The following EPG5 variants were observed in gnomAD, a reference collection of about 807,000 sequenced individuals.
The protein encoded by EPG5 is ectopic P granules protein 5 homolog.
A neutral mutation model predicts 302.7 loss-of-function variants in EPG5; 159 were observed. The observed-to-expected ratio is 0.53, with a 90% confidence interval of 0.46 to 0.60. The LOEUF (loss-of-function observed/expected upper bound fraction) is 0.60, where lower values mean the gene tolerates loss of function less well. Among genes scored for constraint, EPG5 ranks in the 20% least tolerant of loss-of-function variants. The pLI, the probability that EPG5 is intolerant of heterozygous loss-of-function variation, is 0.00. For synonymous variants in EPG5, 1,158 were observed against 1,136.8 expected (o/e 1.02, Z -0.37); for missense variants, 2,896 against 3,092.4 (o/e 0.94, Z 1.51).
chr18:45,907,453 G>T (rs112108539), intron 24 of EPG5, among the ~76,000 whole-genome samples: 1 of 152,076 alleles, frequency 6.6e-6, no homozygotes. Context: ...TAGGACATAC[G>T]AAGACTGAAA....
the EPG5 span, among the ~76,000 whole-genome samples, chr18:45,840,550 T>G: frequency 6.6e-6 from 1 of 152,292 alleles, no homozygotes; most frequent in South Asian, 2.1e-4. Context: ...GGGACACTCA[T>G]CCCCGTTCCC....
chr18:45,818,880 C>A, the EPG5 span, among the ~76,000 whole-genome samples: 7 of 151,910 alleles, frequency 4.6e-5, no homozygotes, highest in African/African-American at 1.7e-4. Context: ...GTTACAGGCA[C>A]CCTGCACCAC....
intron 1 of EPG5, among the ~76,000 whole-genome samples, chr18:45,959,619 C>A (rs1422350063): frequency 7.0e-6 from 1 of 142,712 alleles, no homozygotes; most frequent in Non-Finnish European, 1.5e-5. Context: ...GCACTCCAGT[C>A]TGGGGTGGGG....
chr18:45,901,022 G>T lies in EPG5; in HGVS notation c.4620C>A (p.Asp1540Glu). Residue 1540 changes from aspartate to glutamate, a missense_variant, in exon 26 of 44, where the codon GAC (aspartate) becomes GAA (glutamate). Physicochemically the swap from Asp to Glu is conservative, Grantham distance 45. Around this residue, in one of 5 missense-constraint regions of EPG5, gnomAD observed 790 missense variants for 798.0 expected, o/e 0.99. Transcript: ENST00000282041. ...QKDATQLVCT[D>E]LNLLQQQART... ...TGGCCTGCTGTTGCAACAGATTCAGGTCTGTGCACACCAGCTGGGTGGCGT... is the reference window on the plus strand; with the variant it reads ...TGGCCTGCTGTTGCAACAGATTCAGTTCTGTGCACACCAGCTGGGTGGCGT... The T allele has an allele frequency of 2.5e-6, 4 of 1,613,996 alleles. No individual in the cohort carries two copies. The highest frequency in any genetic ancestry group is 2.5e-6 in the Non-Finnish European group (3 of 1,179,914).
intron 4 of EPG5, among the ~76,000 whole-genome samples, chr18:45,949,857 A>G (rs976260945): frequency 2.0e-5 from 3 of 152,250 alleles, no homozygotes; most frequent in Non-Finnish European, 4.4e-5. Context: ...CCACAAGTGA[A>G]TAGATATAAG....
chr18:45,903,078 G>A (rs73953910), intron 25 of EPG5, among the ~76,000 whole-genome samples: 2,069 of 152,130 alleles, frequency 0.014, 56 homozygotes, highest in African/African-American at 0.047. Context: ...GGGCATGAAC[G>A]GAAATCATTT....
intron 23 of EPG5, among the ~76,000 whole-genome samples, chr18:45,908,884 G>A (rs577866331): frequency 3.3e-5 from 5 of 151,958 alleles, no homozygotes; most frequent in Non-Finnish European, 7.4e-5. Flanking sequence ...GGAAGGCAGA[G>A]GTTGCAGTGA....
the EPG5 span, chr18:45,838,743 G>C: frequency 8.2e-6 from 13 of 1,580,348 alleles, no homozygotes; most frequent in Non-Finnish European, 1.1e-5. Context: ...TCAACATCTC[G>C]GTGCTGCCCA....
chr18:45,815,569 G>A, the EPG5 span, among the ~76,000 whole-genome samples: 2 of 151,964 alleles, frequency 1.3e-5, no homozygotes, highest in African/African-American at 4.8e-5. Context: ...AAATACTTAC[G>A]AATCTACCTA....
At chr18:45,919,357 G>A (rs1054257991) in intron 16 of EPG5, among the ~76,000 whole-genome samples, 5 of 152,122 alleles carry the variant, frequency 3.3e-5, no homozygotes, top group African/African-American at 1.2e-4. Context: ...CAAATCAAAA[G>A]TTATCTCTAG....
rs1017401306 is a variant in EPG5, at chr18:45,915,499, T to G, written c.3693+12A>C. The G allele has an allele frequency of 6.4e-7, 1 of 1,561,812 alleles. No individual in the cohort carries two copies. Among genetic ancestry groups the G allele is most frequent in the Admixed American group, 1.7e-5 (1 of 59,438 alleles). ...CAAAGATAACAAATGATCCTCTCAG[T>G]GAGTTTCCTACCTGAGTGGGCGTGG... On this transcript the variant is annotated intron_variant, in intron 20 of 43. Coordinates refer to ENST00000282041, the MANE Select transcript of EPG5 (RefSeq NM_020964.3).
At position 45,922,500 on chromosome 18, in the gene EPG5, T is replaced by C; in HGVS notation, c.2939A>G (p.Asn980Ser). Reference protein sequence around the residue: ...NLILRLKLHKNDYGIQPNCPA... With the variant: ...NLILRLKLHKSDYGIQPNCPA... ...ACAATTCGGCTGTATTCCATAATCG[T>C]TTTTGTGCAGTTTTAGCCTCAAGAT... The change falls in exon 16 of 44, where the codon AAC becomes AGC. Residue 980 changes from asparagine to serine, a missense_variant. Physicochemically the swap from Asn to Ser is conservative, Grantham distance 46. Coordinates refer to ENST00000282041, the MANE Select transcript of EPG5 (RefSeq NM_020964.3). The C allele has an allele frequency of 6.2e-7, 1 of 1,614,200 alleles. No individual in the cohort carries two copies. The highest frequency in any genetic ancestry group is 1.7e-5 in the Admixed American group (1 of 60,024).
At chr18:45,873,848 C>T (rs2048918446) in intron 35 of EPG5, among the ~76,000 whole-genome samples, 2 of 152,034 alleles carry the variant, frequency 1.3e-5, no homozygotes, top group Admixed American at 6.6e-5. Flanking sequence ...TACAGCCAGA[C>T]AAAATGAAAT....
intron 35 of EPG5, among the ~76,000 whole-genome samples, chr18:45,872,940 G>A (rs762684703): frequency 3.3e-5 from 5 of 152,224 alleles, no homozygotes; most frequent in Admixed American, 6.5e-5. Context: ...AGACTGAGCT[G>A]ATAGTTCCAG....
intron 24 of EPG5, among the ~76,000 whole-genome samples, chr18:45,906,800 G>A (rs996092377): frequency 1.3e-5 from 2 of 151,982 alleles, no homozygotes; most frequent in South Asian, 2.1e-4. Context: ...GATTACAGGC[G>A]CCCACCACCA....
chr18:45,889,764 C>T, intron 28 of EPG5, 34 bp downstream of exon 28: 2 of 1,580,166 alleles, frequency 1.3e-6, no homozygotes, highest in Non-Finnish European at 1.7e-6. Flanking sequence ...GATAACAAAA[C>T]AGTATTTCAA....
chr18:45,835,129 T>C, the EPG5 span, among the ~76,000 whole-genome samples: 2 of 151,448 alleles, frequency 1.3e-5, no homozygotes, highest in Non-Finnish European at 2.9e-5. Context: ...AAAAAAGAAC[T>C]TGTAGTTTTG....
At position 45,860,527 on chromosome 18, in the gene EPG5, G is replaced by A. The variant is rs185193388; in HGVS notation, c.6767-181C>T. On this transcript the variant is annotated intron_variant, in intron 39 of 43. Transcript: ENST00000282041. The stretch of plus-strand genomic sequence containing the variant: ...TGTTAAGTTTGTACAGGTAGTATGC[G>A]GCACACGGTTACTAAGAGTAAAAGC... 2.2e-3 allele frequency among the ~76,000 whole-genome samples: 339 copies of A among 152,318 alleles called. 1 individual carries two copies. The highest frequency in any genetic ancestry group is 7.7e-3 in the African/African-American group (322 of 41,574).
At chr18:45,859,225 C>G (rs571458155) in intron 40 of EPG5, among the ~76,000 whole-genome samples, 31 of 152,320 alleles carry the variant, frequency 2.0e-4, no homozygotes, top group African/African-American at 7.2e-4. Flanking sequence ...AGTAGTTTTA[C>G]TTATCAAAGC....
Sources: allele counts gnomAD v4.1 joint callset (sites outside exome capture counted in the v4.1 genomes callset), GRCh38; gene constraint gnomAD v4.1.1; regional missense constraint gnomAD v4.1.1; transcripts MANE v1.5; gene names NCBI Gene and HGNC (gene_info 2026-07-23, HGNC 2026-07-21).